The following KLHDC8A variants were observed in gnomAD, a reference collection of about 807,000 sequenced individuals.
KLHDC8A encodes the protein kelch domain-containing protein 8A.
Under a neutral mutation model 33.1 loss-of-function variants are expected in KLHDC8A, and 21 were observed. The ratio of observed to expected loss-of-function variants is 0.64; its 90% CI spans 0.45 to 0.91. KLHDC8A has a LOEUF of 0.91. Among genes scored for constraint, KLHDC8A ranks in the 40% least tolerant of loss-of-function variants. The pLI is 0.00. For missense variants in KLHDC8A, 435 were observed against 483.3 expected, an observed-to-expected ratio of 0.90 and a Z score of 0.94; for synonymous variants, 173 against 193.5, an observed-to-expected ratio of 0.89 and a Z score of 0.88.
At chr1:205,345,544 C>A (rs1372273302) in intron 1 of KLHDC8A, among the ~76,000 whole-genome samples, 3 of 152,132 alleles carry the variant, frequency 2.0e-5, no homozygotes, top group Non-Finnish European at 4.4e-5. Flanking sequence ...TCCAGACCAG[C>A]CTGGCCAACA....
chr1:205,343,391 C>T lies in KLHDC8A; in HGVS notation c.214G>A (p.Val72Met), dbSNP rs749441263. 3.1e-6 allele frequency: 5 copies of T among 1,613,294 alleles called. No homozygotes were observed. The South Asian group carries it at 4.4e-5, about 14-fold the overall frequency. The change falls in exon 2 of 6, where the codon GTG (valine) becomes ATG (methionine). Residue 72 changes from valine (V) to methionine (M), a missense_variant. Coordinates refer to ENST00000367155, the MANE Select transcript of KLHDC8A (RefSeq NM_018203.3). ...CGCTTCCCCAGGGCGGTGACGGCCA[C>T]CCCCGCCCGGGCTGTGGGCAGCCGG... is the stretch of plus-strand genomic sequence containing the variant. ...LPRLPTARAG[V>M]AVTALGKRIM...
At position 205,339,508 on chromosome 1, in the gene KLHDC8A, A is replaced by G. The variant is rs1662730678; in HGVS notation, c.542-99T>C. On this transcript the variant is annotated intron_variant, in intron 3 of 5. Coordinates refer to ENST00000367155, the MANE Select transcript of KLHDC8A (RefSeq NM_018203.3). The surrounding 1 kb of genome is among the most constrained non-coding windows in gnomAD (Gnocchi z 5.1). The stretch of plus-strand genomic sequence containing the variant: ...CCTTTTGACAGTTACTCATTCATAC[A>G]GGAAGCTCCCGGTGGGCTGGGCAGT... 48 of 1,423,300 alleles carry G rather than the reference A, an allele frequency of 3.4e-5. 2 individuals carry two copies. The highest frequency in any genetic ancestry group is 9.6e-5 in the Admixed American group (5 of 52,326). The allele number at this position is 1,423,300 out of a possible 1,614,324, so 88.2% of individuals were successfully genotyped here.
rs1663291593 is a variant in KLHDC8A, at chr1:205,356,842, G to C, written c.-499C>G. 1 of 274,954 alleles carries C rather than the reference G, an allele frequency of 3.6e-6. No individual in the cohort carries two copies. The highest frequency in any genetic ancestry group is 7.3e-6 in the Non-Finnish European group (1 of 136,836). 17.0% of individuals were successfully genotyped at this position (274,954 alleles called of 1,614,324 possible). A position where few individuals can be genotyped will look rare whatever the true frequency, so the allele number is the denominator to read the frequency against. ...AGGAGGCGTGACCCCCCTACTGAGA[G>C]GGCCTCAGCCAGCTCGTCAGAGCCC... On this transcript the variant is annotated 5_prime_UTR_variant, in exon 1 of 6. Coordinates refer to ENST00000367155, the MANE Select transcript of KLHDC8A (RefSeq NM_018203.3).
At chr1:205,353,419 C>T (rs1307343470) in intron 1 of KLHDC8A, among the ~76,000 whole-genome samples, 6 of 152,208 alleles carry the variant, frequency 3.9e-5, no homozygotes, top group Non-Finnish European at 7.3e-5. Context: ...GAGCGCATGG[C>T]CCGCAAAGCA....
chr1:205,355,936 A>T (rs970752878), intron 1 of KLHDC8A, among the ~76,000 whole-genome samples: 4 of 152,238 alleles, frequency 2.6e-5, no homozygotes, highest in African/African-American at 9.6e-5. Flanking sequence ...CATAAGTTTT[A>T]AAAATCTTAA....
intron 2 of KLHDC8A, among the ~76,000 whole-genome samples, chr1:205,342,536 A>G (rs1662819466): frequency 6.6e-6 from 1 of 152,194 alleles, no homozygotes; most frequent in Non-Finnish European, 1.5e-5. Flanking sequence ...CCCAATCTAT[A>G]GTAGACTTGA....
rs547841549 is a variant in KLHDC8A, at chr1:205,352,742, T to A, written c.-190+3791A>T. Among the ~76,000 whole-genome samples, 6 of 152,324 alleles carry A rather than the reference T, an allele frequency of 3.9e-5. No individual in the cohort carries two copies. The East Asian group carries it at 1.2e-3, about 29-fold the overall frequency. On this transcript the variant is annotated intron_variant, in intron 1 of 5. Coordinates refer to ENST00000367155, the MANE Select transcript of KLHDC8A (RefSeq NM_018203.3). ...TCGGCACTCCTGGGGCAGGTGGGTG[T>A]GTACCTGAGGATCTCTAAGGAGCCC...
Position 205,344,898 on chromosome 1 carries a change from A to G in KLHDC8A, c.-189-1105T>C, listed in dbSNP as rs115026591. ...ACAAACACACACGGGAAGTTTTTCC[A>G]TCTGCCACACACATGCACAACCCAC... On this transcript the variant is annotated intron_variant, in intron 1 of 5. Coordinates refer to ENST00000367155, the MANE Select transcript of KLHDC8A (RefSeq NM_018203.3). Among the ~76,000 whole-genome samples the G allele has an allele frequency of 4.1e-3, 629 of 152,160 alleles. 6 individuals are homozygous for G. The highest frequency in any genetic ancestry group is 0.014 in the African/African-American group (597 of 41,490).
chr1:205,342,560 TG>T (rs1342713362), intron 2 of KLHDC8A, among the ~76,000 whole-genome samples: 1 of 152,140 alleles, frequency 6.6e-6, no homozygotes, highest in Non-Finnish European at 1.5e-5. Context: ...GCAGCTAGTA[TG>T]GTTTAGCAAA....
Position 205,337,443 on chromosome 1 carries a change from C to T in KLHDC8A, c.1009G>A (p.Gly337Ser). The T allele has an allele frequency of 1.9e-6, 3 of 1,613,828 alleles. No individual in the cohort carries two copies. The highest frequency in any genetic ancestry group is 2.5e-6 in the Non-Finnish European group (3 of 1,180,004). Residue 337 changes from glycine to serine, a missense_variant, in exon 6 of 6, where the codon GGT becomes AGT. Coordinates refer to ENST00000367155, the MANE Select transcript of KLHDC8A (RefSeq NM_018203.3). ...CLLAVGGVNQ[G>S]LSDAVEALCV... ...AGGGCCTCCACTGCGTCACTCAGAC[C>T]CTGGTTGACACCTCCCACGGCGAGG...
At chr1:205,351,604 A>T (rs1356456516) in intron 1 of KLHDC8A, 21 of 56,768 alleles carry the variant, frequency 3.7e-4, no homozygotes, top group South Asian at 1.5e-3. Context: ...GTAATAGTCA[A>T]AAAAAAAAAA....
At chr1:205,352,171 C>A (rs1663131743) in intron 1 of KLHDC8A, among the ~76,000 whole-genome samples, 1 of 152,170 alleles carries the variant, frequency 6.6e-6, no homozygotes, top group South Asian at 2.1e-4. Context: ...CTTCTCCCAG[C>A]AGGCCTTGAG....
In KLHDC8A at chr1:205,339,508, A is replaced by C. The variant is rs1662730678; in HGVS notation, c.542-99T>G. ...CCTTTTGACAGTTACTCATTCATAC[A>C]GGAAGCTCCCGGTGGGCTGGGCAGT... On this transcript the variant is annotated intron_variant, in intron 3 of 5. Coordinates refer to ENST00000367155, the MANE Select transcript of KLHDC8A (RefSeq NM_018203.3). This position sits in a 1 kb window ranked among gnomAD's most constrained non-coding sequence, Gnocchi z 5.1. 7.0e-7 allele frequency: 1 copy of C among 1,423,418 alleles called. No individual in the cohort carries two copies. Among genetic ancestry groups the C allele is most frequent in the Non-Finnish European group, 9.7e-7 (1 of 1,027,644 alleles). The allele number at this position is 1,423,418 out of a possible 1,614,324, so 88.2% of individuals were successfully genotyped here.
At chr1:205,351,140 C>T (rs1463568933) in intron 1 of KLHDC8A, 3 of 675,808 alleles carry the variant, frequency 4.4e-6, no homozygotes, top group Non-Finnish European at 8.1e-6. Flanking sequence ...CTTGTTTCCA[C>T]ATAGAGATTC....
chr1:205,355,330 C>G (rs1663236251), intron 1 of KLHDC8A, among the ~76,000 whole-genome samples: 1 of 152,210 alleles, frequency 6.6e-6, no homozygotes, highest in South Asian at 2.1e-4. Context: ...TCACATGCTC[C>G]TTCCTGCTTG....
Position 205,343,398 on chromosome 1 carries a change from C to T in KLHDC8A, c.207G>A (p.Arg69=), listed in dbSNP as rs1171852468. Residue 69 remains arginine (R), a synonymous_variant, in exon 2 of 6, where the codon CGG becomes CGA. Coordinates refer to ENST00000367155, the MANE Select transcript of KLHDC8A (RefSeq NM_018203.3). ...CCAGGGCGGTGACGGCCACCCCCGC[C>T]CGGGCTGTGGGCAGCCGGGGCAAGG... is the stretch of plus-strand genomic sequence containing the variant. ...WTALPRLPTA[R]AGVAVTALGK... is the part of the protein sequence containing the mutation. 1 of 1,613,354 alleles carries T rather than the reference C, an allele frequency of 6.2e-7. No homozygotes were observed. The highest frequency in any genetic ancestry group is 8.5e-7 in the Non-Finnish European group (1 of 1,179,808).
intron 1 of KLHDC8A, among the ~76,000 whole-genome samples, chr1:205,354,545 A>C (rs1663209472): frequency 6.6e-6 from 1 of 152,220 alleles, no homozygotes; most frequent in Non-Finnish European, 1.5e-5. Flanking sequence ...GCTAAAAATA[A>C]ATATCTGTAA....
At chr1:205,341,686 T>C (rs914510445) in intron 2 of KLHDC8A, among the ~76,000 whole-genome samples, 33 of 152,052 alleles carry the variant, frequency 2.2e-4, no homozygotes, top group African/African-American at 7.5e-4. Context: ...AGTCTTGCTC[T>C]GTCACCCAGG....
intron 2 of KLHDC8A, among the ~76,000 whole-genome samples, chr1:205,341,128 G>A (rs867125944): frequency 6.6e-6 from 1 of 152,170 alleles, no homozygotes; most frequent in Non-Finnish European, 1.5e-5. Flanking sequence ...ACTCTTGACT[G>A]TAGGTGGCCT....
Sources: allele counts gnomAD v4.1 joint callset (sites outside exome capture counted in the v4.1 genomes callset), GRCh38; gene constraint gnomAD v4.1.1; non-coding constraint Gnocchi (gnomAD v3.1); transcripts MANE v1.5; gene names NCBI Gene and HGNC (gene_info 2026-07-23, HGNC 2026-07-21).